Variants in CFAP95 observed in about 807,000 individuals in gnomAD.
The protein encoded by CFAP95 is cilia and flagella associated protein 95, also known as cilia- and flagella-associated protein 95.
the CFAP95 span, among the ~76,000 whole-genome samples, chr9:69,836,327 A>G: frequency 6.6e-6 from 1 of 151,992 alleles, no homozygotes; most frequent in African/African-American, 2.4e-5. Context: ...TTTGGGCAAG[A>G]TACTTCTCTG....
At chr9:69,905,943 TTCCCCCATAGGCTTA>T in the CFAP95 span, 1 of 1,499,760 alleles carries the variant, frequency 6.7e-7, no homozygotes, top group Non-Finnish European at 8.9e-7. Flanking sequence ...TTTCTCTTTT[TTCCCCCATAGGCTTA>T]TCCCTGTCAA....
chr9:69,890,669 G>A, the CFAP95 span, among the ~76,000 whole-genome samples: 6,084 of 152,188 alleles, frequency 0.04, 362 homozygotes, highest in African/African-American at 0.14. Context: ...CCATTCATTC[G>A]GTCTACTACA....
At chr9:69,865,635 T>C in the CFAP95 span, among the ~76,000 whole-genome samples, 1 of 152,202 alleles carries the variant, frequency 6.6e-6, no homozygotes. Context: ...GAAGATGCCC[T>C]GTCCTGCTCC....
the CFAP95 span, chr9:69,844,425 A>G: frequency 2.8e-6 from 2 of 716,478 alleles, no homozygotes. Flanking sequence ...CTACAAATAT[A>G]GAAAATTTTC....
the CFAP95 span, among the ~76,000 whole-genome samples, chr9:69,861,740 A>AC: frequency 3.3e-5 from 5 of 150,724 alleles, no homozygotes; most frequent in African/African-American, 1.2e-4. Flanking sequence ...CAAAAAAAAA[A>AC]AAAAAAAAAA....
the CFAP95 span, chr9:69,844,559 G>A: frequency 1.2e-6 from 2 of 1,612,562 alleles, no homozygotes; most frequent in Non-Finnish European, 1.7e-6. Context: ...ATGATATAGA[G>A]GGTCCTGAGA....
chr9:69,856,538 G>A, the CFAP95 span: 4 of 1,477,916 alleles, frequency 2.7e-6, no homozygotes, highest in Admixed American at 1.9e-5. Context: ...TCTTATATGT[G>A]GCTTCTATGT....
At chr9:69,842,824 T>G in the CFAP95 span, among the ~76,000 whole-genome samples, 1 of 152,136 alleles carries the variant, frequency 6.6e-6, no homozygotes. Context: ...TGCTCAGATG[T>G]GAGGAGAGAA....
chr9:69,874,611 A>T, the CFAP95 span, among the ~76,000 whole-genome samples: 27 of 152,276 alleles, frequency 1.8e-4, no homozygotes, highest in Non-Finnish European at 2.6e-4. Flanking sequence ...AAAACCTGGG[A>T]TTCTCTTCCT....
At chr9:69,886,822 G>C in the CFAP95 span, 2 of 1,605,432 alleles carry the variant, frequency 1.2e-6, no homozygotes, top group Non-Finnish European at 1.7e-6. Context: ...TTTCCTCATT[G>C]ACTTATCCCT....
the CFAP95 span, among the ~76,000 whole-genome samples, chr9:69,893,110 T>G: frequency 7.9e-5 from 12 of 152,340 alleles, no homozygotes; most frequent in African/African-American, 2.9e-4. Context: ...CAGTACACTT[T>G]AACACATGCC....
At chr9:69,876,181 A>T in the CFAP95 span, among the ~76,000 whole-genome samples, 2 of 152,226 alleles carry the variant, frequency 1.3e-5, no homozygotes, top group Non-Finnish European at 2.9e-5. Flanking sequence ...AATAGATATT[A>T]CATGGCATTT....
the CFAP95 span, among the ~76,000 whole-genome samples, chr9:69,880,804 C>T: frequency 6.6e-6 from 1 of 152,202 alleles, no homozygotes; most frequent in Non-Finnish European, 1.5e-5. Flanking sequence ...CTTTTCTCCA[C>T]ATCCTCACCA....
chr9:69,832,055 C>G, the CFAP95 span, among the ~76,000 whole-genome samples: 1 of 152,132 alleles, frequency 6.6e-6, no homozygotes, highest in South Asian at 2.1e-4. Context: ...CCATTTATAA[C>G]AAGGGTGTGA....
At chr9:69,872,382 C>G in the CFAP95 span, among the ~76,000 whole-genome samples, 1 of 152,092 alleles carries the variant, frequency 6.6e-6, no homozygotes, top group Admixed American at 6.5e-5. Flanking sequence ...AATTCAATTC[C>G]TCATTAAGTA....
the CFAP95 span, chr9:69,844,450 A>T: frequency 2.1e-6 from 2 of 955,156 alleles, no homozygotes; most frequent in Non-Finnish European, 3.1e-6. Flanking sequence ...GATAATTTTT[A>T]AAAATCTGAA....
the CFAP95 span, among the ~76,000 whole-genome samples, chr9:69,837,529 C>T: frequency 1.3e-5 from 2 of 152,168 alleles, no homozygotes; most frequent in Non-Finnish European, 2.9e-5. Context: ...TAAATGTCTT[C>T]TTTTGAGAAG....
the CFAP95 span, among the ~76,000 whole-genome samples, chr9:69,902,972 T>TTC: frequency 5.3e-5 from 8 of 152,172 alleles, no homozygotes; most frequent in Non-Finnish European, 1.2e-4. Flanking sequence ...ATATTGTAGA[T>TTC]TATTCAGGTG....
the CFAP95 span, among the ~76,000 whole-genome samples, chr9:69,875,740 T>C: frequency 6.6e-6 from 1 of 152,246 alleles, no homozygotes; most frequent in Non-Finnish European, 1.5e-5. Context: ...ATTTTCATTA[T>C]CTAAAATACT....
Sources: allele counts gnomAD v4.1 joint callset (sites outside exome capture counted in the v4.1 genomes callset), GRCh38; gene constraint gnomAD v4.1.1; transcripts MANE v1.5; gene names NCBI Gene and HGNC (gene_info 2026-07-23, HGNC 2026-07-21).